OLFML2A: variants seen among roughly 807,000 people sequenced by gnomAD.
The protein encoded by OLFML2A is olfactomedin-like protein 2A.
OLFML2A carries 47 observed loss-of-function variants against 60.9 expected under a neutral mutation model. The observed-to-expected ratio is 0.77, with a 90% CI of 0.61 to 0.98. OLFML2A has a LOEUF of 0.98. Among genes scored for constraint, OLFML2A ranks in the 50% least tolerant of loss-of-function variants. The pLI is 0.00. For missense variants in OLFML2A, 922 were observed against 879.8 expected (o/e 1.05, Z -0.61); for synonymous variants, 372 against 375.0 (o/e 0.99, Z 0.09).
At chr9:124,808,697 A>G (rs1841948467) in intron 7 of OLFML2A, among the ~76,000 whole-genome samples, 1 of 151,878 alleles carries the variant, frequency 6.6e-6, no homozygotes, top group African/African-American at 2.4e-5. Flanking sequence ...AGGGAGAGGG[A>G]AGGGTGTTCC....
chr9:124,798,724 C>CT (rs1185121440), intron 3 of OLFML2A, among the ~76,000 whole-genome samples: 2 of 126,998 alleles, frequency 1.6e-5, no homozygotes, highest in Admixed American at 1.6e-4. Context: ...GTCCCAGCTA[C>CT]TCAAAAAAAA....
chr9:124,794,952 T>C, intron 2 of OLFML2A, 72 bp from the exon 3 acceptor site: 2 of 878,186 alleles, frequency 2.3e-6, no homozygotes, highest in South Asian at 1.5e-5. Context: ...TGCAGCAGGG[T>C]TCCTTTTACC....
At position 124,807,962 on chromosome 9, in the gene OLFML2A, G is replaced by A. The variant is rs1223345830; in HGVS notation, c.1350G>A (p.Lys450=). The A allele has an allele frequency of 6.2e-7, 1 of 1,613,760 alleles. No homozygotes were observed. The highest frequency in any genetic ancestry group is 1.7e-5 in the Admixed American group (1 of 60,008). ...AGTTCCGCAACCTGGAAAACTTCAA[G>A]CAAGGTCAGGGACCCCCGGAGGTGG... ...LVEFRNLENF[K]QGRWSNMYKL... Residue 450 remains lysine, a synonymous_variant, in exon 7 of 8, where the codon AAG becomes AAA. Transcript: ENST00000373580.
rs971831480 is a variant in OLFML2A at position 124,812,404 on chromosome 9, G to T, written c.*1992G>T. On this transcript the variant is annotated 3_prime_UTR_variant, in exon 8 of 8. Transcript: ENST00000373580. ...TCGAACTCCTGACCTTAGGTGATCC[G>T]CCCGCCTCAGCCTCCCAAAGTGTTG... 1.3e-5 allele frequency: 2 copies of T among 152,048 alleles called. No homozygotes were observed. Among genetic ancestry groups the T allele is most frequent in the Non-Finnish European group, 2.9e-5 (2 of 68,038 alleles). The allele number at this position is 152,048 out of a possible 1,614,324, so 9.4% of individuals were successfully genotyped here.
In OLFML2A at chr9:124,809,799, C is replaced by G. The variant is rs372504042; in HGVS notation, c.1355-9C>G. ...GGAGGTCTGGGGTGACCATCGCCCT[C>G]GCCTGCAGGCCGCTGGAGTAACATG... On this transcript the variant is annotated splice_polypyrimidine_tract_variant and intron_variant, in intron 7 of 7. Coordinates refer to ENST00000373580, the MANE Select transcript of OLFML2A (RefSeq NM_182487.4). The G allele has an allele frequency of 6.3e-7, 1 of 1,586,080 alleles. No homozygotes were observed. The highest frequency in any genetic ancestry group is 8.6e-7 in the Non-Finnish European group (1 of 1,163,708).
chr9:124,783,164 T>G (rs1422168877), intron 1 of OLFML2A, among the ~76,000 whole-genome samples: 2 of 151,156 alleles, frequency 1.3e-5, no homozygotes, highest in Non-Finnish European at 2.9e-5. Flanking sequence ...CCCCTGCCCC[T>G]CCGCAGGCTG....
intron 7 of OLFML2A, among the ~76,000 whole-genome samples, chr9:124,808,611 G>T (rs1371728111): frequency 6.6e-6 from 1 of 152,130 alleles, no homozygotes; most frequent in Non-Finnish European, 1.5e-5. Context: ...ACCCAGCCTA[G>T]AGATCAGGGA....
rs1842029487 is a variant in OLFML2A, at chr9:124,811,968, G to A, written c.*1556G>A. On this transcript the variant is annotated 3_prime_UTR_variant, in exon 8 of 8. Coordinates refer to ENST00000373580, the MANE Select transcript of OLFML2A (RefSeq NM_182487.4). Reference sequence around the variant, plus strand: ...CTGTATCCTTTATTCTCCGCACATGGAGGCTGCCCTACCTGGGAAGGCACC... The same window carrying A: ...CTGTATCCTTTATTCTCCGCACATGAAGGCTGCCCTACCTGGGAAGGCACC... The A allele has an allele frequency of 6.6e-6, 1 of 152,300 alleles. No individual in the cohort carries two copies. The highest frequency in any genetic ancestry group is 1.5e-5 in the Non-Finnish European group (1 of 68,178). 9.4% of individuals were successfully genotyped at this position (152,300 alleles called of 1,614,324 possible).
chr9:124,784,943 G>GTTGTTTTTTTTTTTTTT (rs1841429446), intron 1 of OLFML2A, among the ~76,000 whole-genome samples: 8 of 69,592 alleles, frequency 1.1e-4, no homozygotes, highest in African/African-American at 5.2e-4. Context: ...CCTTTTACTT[G>GTTGTTTTTTTTTTTTTT]TTTTTTTTTT....
At position 124,801,687 on chromosome 9, in the gene OLFML2A, C is replaced by T. The variant is rs201494260; in HGVS notation, c.919+24C>T. The T allele has an allele frequency of 2.4e-4, 393 of 1,606,924 alleles. No individual in the cohort carries two copies. In the African/African-American group the frequency reaches 4.9e-3, roughly 20 times the overall value. Reference sequence around the variant, plus strand: ...AGGTGAGTAGGAGGGGAATGGGGACCCTGGGGAGTCAGGGATGGATGCCTC... The same window carrying T: ...AGGTGAGTAGGAGGGGAATGGGGACTCTGGGGAGTCAGGGATGGATGCCTC... On this transcript the variant is annotated intron_variant, in intron 5 of 7. Transcript: ENST00000373580.
In OLFML2A at chr9:124,813,979, CAAAGGCAAAG is replaced by C. The variant is rs1266998208; in HGVS notation, c.*3568_*3577del. ...CAGGTCTTCTTGCTGACCTCGTCTACAAAGGCAAAGGAAGGCAAAGGAAGCTGTCTCGGGT... is the reference window on the plus strand; with the variant it reads ...CAGGTCTTCTTGCTGACCTCGTCTACGAAGGCAAAGGAAGCTGTCTCGGGT... On this transcript the variant is annotated 3_prime_UTR_variant, in exon 8 of 8. Coordinates refer to ENST00000373580, the MANE Select transcript of OLFML2A (RefSeq NM_182487.4). 1 of 152,230 alleles carries C rather than the reference CAAAGGCAAAG, an allele frequency of 6.6e-6. No individual in the cohort carries two copies. The highest frequency in any genetic ancestry group is 2.4e-5 in the African/African-American group (1 of 41,438). The allele number at this position is 152,230 out of a possible 1,614,324, so 9.4% of individuals were successfully genotyped here. A position where few individuals can be genotyped will look rare whatever the true frequency, so the allele number is the denominator to read the frequency against.
chr9:124,805,311 A>G (rs1056031135), intron 6 of OLFML2A, among the ~76,000 whole-genome samples: 2 of 152,186 alleles, frequency 1.3e-5, no homozygotes, highest in Non-Finnish European at 2.9e-5. Context: ...CAACAGCTGC[A>G]GCTTAAGTGG....
chr9:124,804,568 A>T (rs2131274785), intron 6 of OLFML2A, among the ~76,000 whole-genome samples: 2 of 152,050 alleles, frequency 1.3e-5, no homozygotes, highest in Middle Eastern at 6.8e-3. Flanking sequence ...TACTAAAAAT[A>T]AAAAAATTAG....
rs1270287982 is a variant in OLFML2A, at chr9:124,807,921, G to A, written c.1309G>A (p.Gly437Arg). The change falls in exon 7 of 8, where the codon GGA (glycine) becomes AGA (arginine). Residue 437 changes from glycine (G) to arginine (R), a missense_variant. Physicochemically the swap from Gly to Arg is moderately radical, Grantham distance 125. Transcript: ENST00000373580. ...GATCTATGTCACCAACTACTACTAT[G>A]GAAACAGCCTGGTGGAGTTCCGCAA... ...DRIYVTNYYY[G>R]NSLVEFRNLE... The A allele has an allele frequency of 6.2e-7, 1 of 1,614,028 alleles. No individual in the cohort carries two copies. Among genetic ancestry groups the A allele is most frequent in the East Asian group, 2.2e-5 (1 of 44,896 alleles).
Position 124,804,135 on chromosome 9 carries a change from C to T in OLFML2A, c.961C>T (p.Pro321Ser), listed in dbSNP as rs1841839994. 1.2e-6 allele frequency: 2 copies of T among 1,614,014 alleles called. No individual in the cohort carries two copies. The highest frequency in any genetic ancestry group is 1.7e-5 in the Admixed American group (1 of 60,008). ...QGTSWLEQLP[P>S]KVEGRSNSAE... ...CACTTCCTGGCTGGAGCAACTGCCG[C>T]CCAAGGTGGAGGGCAGGTCCAACTC... is the stretch of plus-strand genomic sequence containing the variant. Residue 321 changes from proline (P) to serine (S), a missense_variant, in exon 6 of 8, where the codon CCC becomes TCC. By Grantham distance (74) the Pro-to-Ser change is moderately conservative (BLOSUM62 -1). Coordinates refer to ENST00000373580, the MANE Select transcript of OLFML2A (RefSeq NM_182487.4).
rs568998755 is a variant in OLFML2A at position 124,795,473 on chromosome 9, G to T, written c.462+342G>T. ...GGGTACCATTCGCACAAGATTCCTT[G>T]GTGGCTGGGCATGGTGGCTCAGTGG... On this transcript the variant is annotated intron_variant, in intron 3 of 7. Coordinates refer to ENST00000373580, the MANE Select transcript of OLFML2A (RefSeq NM_182487.4). 5.3e-5 allele frequency among the ~76,000 whole-genome samples: 8 copies of T among 152,334 alleles called. 1 individual carries two copies. The South Asian group carries it at 1.7e-3, about 32-fold the overall frequency.
intron 2 of OLFML2A, among the ~76,000 whole-genome samples, chr9:124,793,159 A>C (rs1441128027): frequency 1.3e-5 from 2 of 152,190 alleles, no homozygotes; most frequent in Non-Finnish European, 2.9e-5. Context: ...GAAATGCCGG[A>C]GGGCTCAGGG....
At chr9:124,802,615 A>G (rs1466593027) in intron 5 of OLFML2A, among the ~76,000 whole-genome samples, 1 of 152,234 alleles carries the variant, frequency 6.6e-6, no homozygotes. Context: ...AGCTGCAGGC[A>G]TCTGACTCTG....
Position 124,779,554 on chromosome 9 carries a change from G to C in OLFML2A, c.90+2194G>C, listed in dbSNP as rs568584759. 1.3e-5 allele frequency among the ~76,000 whole-genome samples: 2 copies of C among 151,946 alleles called. No homozygotes were observed. The highest frequency in any genetic ancestry group is 2.4e-5 in the African/African-American group (1 of 41,356). On this transcript the variant is annotated intron_variant, in intron 1 of 7. Transcript: ENST00000373580. The surrounding 1 kb of genome is among the most constrained non-coding windows in gnomAD (Gnocchi z 4.1). ...GGTTGTGTGTGTGTGTGGTGGGGGGGGGGTGTTTAGCTGTCCCAGGACAAG... is the reference window on the plus strand; with the variant it reads ...GGTTGTGTGTGTGTGTGGTGGGGGGCGGGTGTTTAGCTGTCCCAGGACAAG...
Sources: gnomAD v4.1 joint callset for allele counts (sites outside exome capture counted in the v4.1 genomes callset) on GRCh38, gnomAD v4.1.1 for gene constraint, Gnocchi (gnomAD v3.1) non-coding constraint, MANE v1.5 for transcripts, NCBI Gene and HGNC (gene_info 2026-07-23, HGNC 2026-07-21) for gene names.